The following ANKS1B variants were observed in gnomAD, a reference collection of about 807,000 sequenced individuals.
The protein encoded by ANKS1B is ankyrin repeat and sterile alpha motif domain-containing protein 1B.
ANKS1B carries 36 observed loss-of-function variants against 148.3 expected under a neutral mutation model. The observed-to-expected ratio is 0.24, with a 90% CI of 0.19 to 0.32. ANKS1B has a LOEUF of 0.32. Ranked by LOEUF, ANKS1B falls within the 10% of genes least tolerant of loss-of-function variation. ANKS1B has a pLI of 1.00. For missense variants in ANKS1B, 1,157 were observed against 1,542.6 expected, an observed-to-expected ratio of 0.75 and a Z score of 4.19; for synonymous variants, 542 against 560.8, an observed-to-expected ratio of 0.97 and a Z score of 0.47.
At chr12:98,879,933 G>A (rs1264287097) in intron 17 of ANKS1B, among the ~76,000 whole-genome samples, 1 of 152,096 alleles carries the variant, frequency 6.6e-6, no homozygotes, top group African/African-American at 2.4e-5. Flanking sequence ...AGATTTCCAT[G>A]ACACTTGAAT....
chr12:99,278,485 C>T (rs1319221888), intron 12 of ANKS1B, among the ~76,000 whole-genome samples: 1 of 152,140 alleles, frequency 6.6e-6, no homozygotes, highest in Non-Finnish European at 1.5e-5. Flanking sequence ...TGGACAGAGA[C>T]ATAGGAAAAA....
chr12:99,123,323 A>C (rs925542347), intron 15 of ANKS1B, among the ~76,000 whole-genome samples: 1 of 152,166 alleles, frequency 6.6e-6, no homozygotes, highest in African/African-American at 2.4e-5. Flanking sequence ...TAGCTAAGTC[A>C]TGGAAGAACG....
intron 13 of ANKS1B, among the ~76,000 whole-genome samples, chr12:99,245,451 AG>A (rs1210505971): frequency 6.6e-6 from 1 of 152,254 alleles, no homozygotes; most frequent in Non-Finnish European, 1.5e-5. Flanking sequence ...ATAAGATAGC[AG>A]GTTTCAGAAA....
rs76244093 is a variant in ANKS1B, at chr12:99,043,813, T to C, written c.2778+9344A>G. Among the ~76,000 whole-genome samples, 1,203 of 152,374 alleles carry C rather than the reference T, an allele frequency of 7.9e-3. 18 individuals carry two copies. Among genetic ancestry groups the C allele is most frequent in the African/African-American group, 0.027 (1,135 of 41,586 alleles). Reference sequence around the variant, plus strand: ...ACCATGATGGCTTATACGAATCTTATACACCTACCTCAGTGATAGTGTTAA... The same window carrying C: ...ACCATGATGGCTTATACGAATCTTACACACCTACCTCAGTGATAGTGTTAA... On this transcript the variant is annotated intron_variant, in intron 17 of 26. Coordinates refer to ENST00000683438, the MANE Select transcript of ANKS1B (RefSeq NM_001352186.2).
chr12:98,789,292 A>G (rs1421981933), intron 22 of ANKS1B, among the ~76,000 whole-genome samples: 1 of 152,220 alleles, frequency 6.6e-6, no homozygotes, highest in Non-Finnish European at 1.5e-5. Context: ...GTAGTGAGCC[A>G]AGATTGCACC....
chr12:98,758,943 T>C (rs895066391), intron 25 of ANKS1B, among the ~76,000 whole-genome samples: 8 of 122,706 alleles, frequency 6.5e-5, no homozygotes, highest in Non-Finnish European at 1.1e-4. Context: ...CCTGGCTAAT[T>C]TTTTTTTTTT....
rs11109674 is a variant in ANKS1B at position 98,924,979 on chromosome 12, C to T, written c.2779-92843G>A. Among the ~76,000 whole-genome samples the T allele has an allele frequency of 5.4e-3, 827 of 152,152 alleles. 8 individuals are homozygous for T. The highest frequency in any genetic ancestry group is 0.046 in the East Asian group (236 of 5,184). On this transcript the variant is annotated intron_variant, in intron 17 of 26. Coordinates refer to ENST00000683438, the MANE Select transcript of ANKS1B (RefSeq NM_001352186.2). ...AAAAATTTAATATTCAAAGTCCAGA[C>T]GGGATAAGGAGACAAAAAAAGATTG...
chr12:99,698,687 G>A (rs889881718), intron 8 of ANKS1B, among the ~76,000 whole-genome samples: 2 of 152,094 alleles, frequency 1.3e-5, no homozygotes, highest in African/African-American at 4.8e-5. Context: ...ATCTAACATT[G>A]CGTCTTATCT....
chr12:99,291,039 G>T (rs1264662646), intron 12 of ANKS1B, among the ~76,000 whole-genome samples: 1 of 151,752 alleles, frequency 6.6e-6, no homozygotes, highest in Admixed American at 6.6e-5. Flanking sequence ...AACTAATTCA[G>T]TAAAGTGGCA....
At chr12:98,902,529 A>G (rs564005006) in intron 17 of ANKS1B, among the ~76,000 whole-genome samples, 12 of 152,314 alleles carry the variant, frequency 7.9e-5, no homozygotes, top group African/African-American at 2.9e-4. Context: ...ATATGGTTAA[A>G]TCATATTAGA....
At chr12:99,111,549 T>C (rs2060296333) in intron 15 of ANKS1B, among the ~76,000 whole-genome samples, 1 of 151,958 alleles carries the variant, frequency 6.6e-6, no homozygotes, top group Non-Finnish European at 1.5e-5. Context: ...TTTTTTTTCA[T>C]AGCCAATACC....
intron 9 of ANKS1B, among the ~76,000 whole-genome samples, chr12:99,597,324 C>T (rs1017283016): frequency 2.6e-5 from 4 of 151,776 alleles, no homozygotes; most frequent in Admixed American, 6.6e-5. Flanking sequence ...CACTGTTATA[C>T]CTTTTACTAA....
intron 10 of ANKS1B, among the ~76,000 whole-genome samples, chr12:99,453,679 T>C (rs945060630): frequency 2.0e-5 from 3 of 152,220 alleles, no homozygotes; most frequent in Admixed American, 6.5e-5. Context: ...AGATAATTAA[T>C]GTTTGTTATT....
At chr12:99,686,861 T>A (rs1276555243) in intron 8 of ANKS1B, among the ~76,000 whole-genome samples, 3 of 152,304 alleles carry the variant, frequency 2.0e-5, no homozygotes, top group Admixed American at 2.0e-4. Flanking sequence ...AAGATTTTAA[T>A]CTCCTTTAAG....
rs78564382 is a variant in ANKS1B, at chr12:99,951,009, G to A, written c.134+33095C>T. 3.0e-3 allele frequency among the ~76,000 whole-genome samples: 464 copies of A among 152,172 alleles called. 2 individuals carry two copies. Among genetic ancestry groups the A allele is most frequent in the African/African-American group, 0.01 (434 of 41,504 alleles). ...TCATATCTAATTGATACTTTCAGCC[G>A]GATAGAGAAATCTAAACTGAAAAGG... is the stretch of plus-strand genomic sequence containing the variant. On this transcript the variant is annotated intron_variant, in intron 1 of 26. Transcript: ENST00000683438.
intron 15 of ANKS1B, among the ~76,000 whole-genome samples, chr12:99,142,745 C>A (rs553763607): frequency 2.7e-4 from 41 of 152,222 alleles, no homozygotes; most frequent in Admixed American, 1.4e-3. Context: ...ATATAACACA[C>A]CCTTTACCCC....
chr12:99,303,777 C>G (rs78634054), intron 12 of ANKS1B, among the ~76,000 whole-genome samples: 1 of 152,078 alleles, frequency 6.6e-6, no homozygotes, highest in South Asian at 2.1e-4. Flanking sequence ...TTATCCCTCA[C>G]CCACCTCACT....
chr12:99,946,247 A>T (rs963160537), intron 1 of ANKS1B, among the ~76,000 whole-genome samples: 1 of 152,140 alleles, frequency 6.6e-6, no homozygotes, highest in Non-Finnish European at 1.5e-5. Context: ...TTTTTGCCCC[A>T]ATTCTCCATT....
chr12:99,537,519 TG>T (rs1641947161), intron 9 of ANKS1B, among the ~76,000 whole-genome samples: 1 of 152,212 alleles, frequency 6.6e-6, no homozygotes, highest in Admixed American at 6.5e-5. Flanking sequence ...TCAATGATGT[TG>T]AACACCTTTT....
Sources: gnomAD v4.1 joint callset for allele counts (sites outside exome capture counted in the v4.1 genomes callset) on GRCh38, gnomAD v4.1.1 for gene constraint, MANE v1.5 for transcripts, NCBI Gene and HGNC (gene_info 2026-07-23, HGNC 2026-07-21) for gene names.